The following UBE2G1 variants were observed in gnomAD, a reference collection of about 807,000 sequenced individuals.
UBE2G1 encodes the protein ubiquitin conjugating enzyme E2 G1, also known as ubiquitin-conjugating enzyme E2 G1.
UBE2G1 carries 5 observed loss-of-function variants against 22.7 expected under a neutral mutation model. That is an observed-to-expected ratio of 0.22 (90% confidence interval 0.12 to 0.46). The LOEUF (loss-of-function observed/expected upper bound fraction) is 0.46, where lower values mean the gene tolerates loss of function less well. Ranked by LOEUF, UBE2G1 falls within the 20% of genes least tolerant of loss-of-function variation. UBE2G1 has a pLI of 0.99. For synonymous variants in UBE2G1, 74 were observed against 67.5 expected (o/e 1.10, Z -0.47); for missense variants, 88 against 203.9 (o/e 0.43, Z 3.46).
At chr17:4,336,003 G>A (rs1482237400) in intron 1 of UBE2G1, among the ~76,000 whole-genome samples, 6 of 151,882 alleles carry the variant, frequency 4.0e-5, no homozygotes, top group East Asian at 3.9e-4. Flanking sequence ...AAAATTAGCC[G>A]GGCATGGTGG....
At chr17:4,303,431 A>G (rs2325941) in intron 2 of UBE2G1, among the ~76,000 whole-genome samples, 145,064 of 152,266 alleles carry the variant, frequency 0.95, 69,539 homozygotes, top group East Asian at 1. Context: ...AACATGGAAC[A>G]TTTGAAACAT....
intron 2 of UBE2G1, 108 bp downstream of exon 2, chr17:4,306,913 G>C (rs1458622742): frequency 2.1e-6 from 2 of 950,446 alleles, no homozygotes; most frequent in African/African-American, 3.3e-5. Flanking sequence ...GCCTCCCAAA[G>C]TGCTGGGATT....
chr17:4,315,509 G>A (rs1229391499), intron 1 of UBE2G1, among the ~76,000 whole-genome samples: 1 of 151,972 alleles, frequency 6.6e-6, no homozygotes, highest in African/African-American at 2.4e-5. Context: ...CGGAGGCTGA[G>A]ACGGGCGGAT....
Position 4,362,552 on chromosome 17 carries a change from T to A in UBE2G1, c.46+3719A>T, listed in dbSNP as rs75400913. Among the ~76,000 whole-genome samples the A allele has an allele frequency of 7.1e-3, 1,083 of 152,276 alleles. 25 individuals carry two copies. The highest frequency in any genetic ancestry group is 0.049 in the Admixed American group (745 of 15,276). ...TCCACAACCCAAGGAACCATTTTGTTCAATTCTGAAAGTAACCAGATTCTT... is the reference window on the plus strand; with the variant it reads ...TCCACAACCCAAGGAACCATTTTGTACAATTCTGAAAGTAACCAGATTCTT... On this transcript the variant is annotated intron_variant, in intron 1 of 5. Coordinates refer to ENST00000396981, the MANE Select transcript of UBE2G1 (RefSeq NM_003342.5).
chr17:4,363,905 T>C (rs1020841139), intron 1 of UBE2G1, among the ~76,000 whole-genome samples: 28 of 134,634 alleles, frequency 2.1e-4, no homozygotes, highest in African/African-American at 7.4e-4. Context: ...TGAGCCGAGA[T>C]TGCGCCACTG....
In UBE2G1 at chr17:4,299,265, G is replaced by A. The variant is rs1006767200; in HGVS notation, c.150-2451C>T. Among the ~76,000 whole-genome samples, 6 of 152,238 alleles carry A rather than the reference G, an allele frequency of 3.9e-5. No homozygotes were observed. In the South Asian group the frequency reaches 1.2e-3, roughly 32 times the overall value. On this transcript the variant is annotated intron_variant, in intron 2 of 5. Transcript: ENST00000396981. ...ATTACAGAAAACAGCCAAACATGGT[G>A]GCGTGCACCTGTAATCCCAGCTACT...
chr17:4,275,802 G>A (rs1033529951), intron 5 of UBE2G1, among the ~76,000 whole-genome samples: 1 of 152,072 alleles, frequency 6.6e-6, no homozygotes, highest in Non-Finnish European at 1.5e-5. Context: ...GCTTCCAAAA[G>A]TTCCAAATCA....
intron 1 of UBE2G1, among the ~76,000 whole-genome samples, chr17:4,307,600 T>C (rs1969262351): frequency 1.3e-5 from 2 of 152,224 alleles, no homozygotes; most frequent in Admixed American, 1.3e-4. Flanking sequence ...ATTTGACTTG[T>C]CCCTGTAGTC....
chr17:4,293,034 T>C lies in UBE2G1; in HGVS notation c.248-3626A>G, dbSNP rs185988375. 3.3e-5 allele frequency among the ~76,000 whole-genome samples: 5 copies of C among 152,342 alleles called. No individual in the cohort carries two copies. The East Asian group carries it at 9.6e-4, about 29-fold the overall frequency. ...GAAAAGCACGATTTAATGGTTTCTG[T>C]CTAGTATGTCTACAGAGTTGTACAA... On this transcript the variant is annotated intron_variant, in intron 3 of 5. Transcript: ENST00000396981.
Position 4,366,420 on chromosome 17 carries a change from A to C in UBE2G1, c.-104T>G. The stretch of plus-strand genomic sequence containing the variant: ...TGTGCCGAGGAACCCGGGCCCCGCG[A>C]CCGGAGCGCCGGAGCCGAGGAAGGC... On this transcript the variant is annotated 5_prime_UTR_variant, in exon 1 of 6. Coordinates refer to ENST00000396981, the MANE Select transcript of UBE2G1 (RefSeq NM_003342.5). 4 of 1,214,284 alleles carry C rather than the reference A, an allele frequency of 3.3e-6. No individual in the cohort carries two copies. The highest frequency in any genetic ancestry group is 4.3e-6 in the Non-Finnish European group (4 of 940,164). The allele number at this position is 1,214,284 out of a possible 1,614,324, so 75.2% of individuals were successfully genotyped here. A position where few individuals can be genotyped will look rare whatever the true frequency, so the allele number is the denominator to read the frequency against.
In UBE2G1 at chr17:4,362,510, C is replaced by T. The variant is rs991861528; in HGVS notation, c.46+3761G>A. 9.9e-5 allele frequency among the ~76,000 whole-genome samples: 15 copies of T among 152,208 alleles called. No individual in the cohort carries two copies. In the East Asian group the frequency reaches 2.9e-3, roughly 29 times the overall value. On this transcript the variant is annotated intron_variant, in intron 1 of 5. Coordinates refer to ENST00000396981, the MANE Select transcript of UBE2G1 (RefSeq NM_003342.5). ...AATACTCAACCCAAAACGTCAGTAG[C>T]GCCAAGACTGAGACACTCCACAACC...
At chr17:4,353,576 A>C (rs965973469) in intron 1 of UBE2G1, among the ~76,000 whole-genome samples, 7 of 150,578 alleles carry the variant, frequency 4.6e-5, no homozygotes, top group African/African-American at 1.5e-4. Context: ...GGCTCACTGC[A>C]ACCTCGGTTC....
intron 1 of UBE2G1, among the ~76,000 whole-genome samples, chr17:4,346,468 G>A (rs561510622): frequency 8.8e-5 from 12 of 136,292 alleles, no homozygotes; most frequent in African/African-American, 3.1e-4. Flanking sequence ...AGAGTCTCGC[G>A]CTGTTGCCCA....
intron 2 of UBE2G1, among the ~76,000 whole-genome samples, chr17:4,300,610 C>A (rs1323769557): frequency 6.6e-6 from 1 of 151,712 alleles, no homozygotes; most frequent in African/African-American, 2.4e-5. Context: ...TTCAAAATAT[C>A]TTTCATTACA....
At chr17:4,294,862 C>T (rs116379858) in intron 3 of UBE2G1, among the ~76,000 whole-genome samples, 10,990 of 152,020 alleles carry the variant, frequency 0.072, 530 homozygotes, top group South Asian at 0.15. Flanking sequence ...GTGATCATGC[C>T]ATTGCACTGC....
chr17:4,342,343 T>TTC (rs1269943528), intron 1 of UBE2G1, among the ~76,000 whole-genome samples: 1 of 152,236 alleles, frequency 6.6e-6, no homozygotes, highest in African/African-American at 2.4e-5. Context: ...ATTGTGTTCC[T>TTC]TCTAGGCCAG....
At position 4,313,145 on chromosome 17, in the gene UBE2G1, G is replaced by A. The variant is rs556068952; in HGVS notation, c.47-6022C>T. On this transcript the variant is annotated intron_variant, in intron 1 of 5. Coordinates refer to ENST00000396981, the MANE Select transcript of UBE2G1 (RefSeq NM_003342.5). ...GACAGATTACAGATATAAACAAAGA[G>A]GTATAAAACCTAACTAAAAGAAAAC... Among the ~76,000 whole-genome samples, 80 of 152,214 alleles carry A rather than the reference G, an allele frequency of 5.3e-4. 1 individual carries two copies. The highest frequency in any genetic ancestry group is 1.8e-3 in the African/African-American group (74 of 41,554).
At chr17:4,318,011 T>G (rs2143754642) in intron 1 of UBE2G1, among the ~76,000 whole-genome samples, 1 of 152,346 alleles carries the variant, frequency 6.6e-6, no homozygotes, top group East Asian at 1.9e-4. Context: ...ATGGAAAATT[T>G]GGGCACAGCA....
chr17:4,347,521 C>T (rs1969793014), intron 1 of UBE2G1, among the ~76,000 whole-genome samples: 1 of 140,664 alleles, frequency 7.1e-6, no homozygotes, highest in Non-Finnish European at 1.5e-5. Context: ...GTCACCCAGA[C>T]TGGAGTGCAG....
Sources: gnomAD v4.1 joint callset for allele counts (sites outside exome capture counted in the v4.1 genomes callset) on GRCh38, gnomAD v4.1.1 for gene constraint, MANE v1.5 for transcripts, NCBI Gene and HGNC (gene_info 2026-07-23, HGNC 2026-07-21) for gene names.